ADGRV1: variants seen among roughly 807,000 people sequenced by gnomAD.
ADGRV1 encodes the protein adhesion G protein-coupled receptor V1.
ADGRV1 carries 359 observed loss-of-function variants against 596.2 expected under a neutral mutation model. The ratio of observed to expected loss-of-function variants is 0.60; its 90% CI spans 0.55 to 0.66. The LOEUF (loss-of-function observed/expected upper bound fraction) is 0.66. Among genes scored for constraint, ADGRV1 ranks in the 30% least tolerant of loss-of-function variants. The pLI is 0.00. For synonymous variants in ADGRV1, 2,681 were observed against 2,679.2 expected, an observed-to-expected ratio of 1.00 and a Z score of -0.02; for missense variants, 7,274 against 7,575.6, an observed-to-expected ratio of 0.96 and a Z score of 1.48.
At chr5:90,819,200 C>T (rs866105668) in intron 75 of ADGRV1, among the ~76,000 whole-genome samples, 176 of 152,204 alleles carry the variant, frequency 1.2e-3, no homozygotes, top group African/African-American at 3.9e-3. Context: ...AGTTTATTTG[C>T]GTAGAGGTGT....
intron 85 of ADGRV1, among the ~76,000 whole-genome samples, chr5:91,041,258 C>T (rs1785322783): frequency 6.6e-6 from 1 of 152,048 alleles, no homozygotes. Flanking sequence ...CAGTGATAGA[C>T]TGGATAAAGA....
At chr5:90,817,491 G>A (rs1245882274) in intron 75 of ADGRV1, among the ~76,000 whole-genome samples, 7 of 151,528 alleles carry the variant, frequency 4.6e-5, no homozygotes, top group Non-Finnish European at 1.0e-4. Context: ...CCTTGCCCAT[G>A]CCTGTGTCCT....
chr5:90,801,105 A>G (rs1761323896), intron 70 of ADGRV1, among the ~76,000 whole-genome samples: 1 of 152,176 alleles, frequency 6.6e-6, no homozygotes, highest in Non-Finnish European at 1.5e-5. Flanking sequence ...TAGGCAGTAT[A>G]GAAAATGGTA....
At position 90,959,878 on chromosome 5, in the gene ADGRV1, G is replaced by A. The variant is rs576237778; in HGVS notation, c.17857-5537G>A. ...TCAGTGTCTGGGCGCAGTGGCTCAC[G>A]CCTGTAATCCCAGCACTTTGGGAGG... On this transcript the variant is annotated intron_variant, in intron 83 of 89. Coordinates refer to ENST00000405460, the MANE Select transcript of ADGRV1 (RefSeq NM_032119.4). 2.0e-4 allele frequency among the ~76,000 whole-genome samples: 30 copies of A among 152,266 alleles called. 1 individual carries two copies. In the South Asian group the frequency reaches 4.8e-3, roughly 24 times the overall value.
chr5:90,939,708 A>G (rs1475976143), intron 83 of ADGRV1, among the ~76,000 whole-genome samples: 1 of 152,146 alleles, frequency 6.6e-6, no homozygotes, highest in Non-Finnish European at 1.5e-5. Context: ...AGGTGGCAGA[A>G]TTGCTTTTTT....
At chr5:90,901,874 G>T (rs1039083920) in intron 83 of ADGRV1, among the ~76,000 whole-genome samples, 5 of 152,160 alleles carry the variant, frequency 3.3e-5, no homozygotes, top group African/African-American at 1.2e-4. Flanking sequence ...TGTTCTAAGT[G>T]TGATAGGTCA....
At chr5:90,773,371 A>G (rs1416551589) in intron 59 of ADGRV1, among the ~76,000 whole-genome samples, 2 of 152,168 alleles carry the variant, frequency 1.3e-5, no homozygotes, top group East Asian at 1.9e-4. Context: ...GTTGTCCAGT[A>G]GAAACAATGC....
intron 87 of ADGRV1, among the ~76,000 whole-genome samples, chr5:91,138,012 C>A (rs1000617687): frequency 6.6e-6 from 1 of 152,118 alleles, no homozygotes; most frequent in Non-Finnish European, 1.5e-5. Context: ...TACTAGTTTG[C>A]CATATAATTC....
rs78267418 is a variant in ADGRV1, at chr5:90,722,344, G to A, written c.9748+1285G>A. ...GAATAGATGTATTTTAGTAAGGGGA[G>A]TAAAATAAATGTGGTTTAACACATT... On this transcript the variant is annotated intron_variant, in intron 45 of 89. Transcript: ENST00000405460. Among the ~76,000 whole-genome samples, 68 of 152,064 alleles carry A rather than the reference G, an allele frequency of 4.5e-4. 1 individual carries two copies. The East Asian group carries it at 0.012, about 26-fold the overall frequency.
At chr5:90,607,791 A>G (rs1378341271) in intron 1 of ADGRV1, among the ~76,000 whole-genome samples, 1 of 152,184 alleles carries the variant, frequency 6.6e-6, no homozygotes, top group Non-Finnish European at 1.5e-5. Flanking sequence ...TCATATGAAG[A>G]TATGAAGATC....
At chr5:90,896,668 G>A (rs567700508) in intron 83 of ADGRV1, among the ~76,000 whole-genome samples, 2 of 152,260 alleles carry the variant, frequency 1.3e-5, no homozygotes, top group African/African-American at 4.8e-5. Context: ...CAGGCAAGTT[G>A]ACACCCATTC....
chr5:90,980,985 C>A (rs1162044881), intron 84 of ADGRV1, among the ~76,000 whole-genome samples: 1 of 151,998 alleles, frequency 6.6e-6, no homozygotes, highest in Non-Finnish European at 1.5e-5. Flanking sequence ...GAGATGTGAA[C>A]CCTGAAAATT....
At chr5:91,160,509 T>C (rs1796854499) in intron 89 of ADGRV1, among the ~76,000 whole-genome samples, 1 of 152,220 alleles carries the variant, frequency 6.6e-6, no homozygotes, top group African/African-American at 2.4e-5. Context: ...AACCAAAGTA[T>C]ATTAAAATGT....
Position 90,692,637 on chromosome 5 carries a change from T to C in ADGRV1, c.6984T>C (p.Gly2328=). ...AAGTGCAACTAACTGATGCCTCTGGTGGAGGTACTATTGGGTTAGATCGAA... is the reference window on the plus strand; with the variant it reads ...AAGTGCAACTAACTGATGCCTCTGGCGGAGGTACTATTGGGTTAGATCGAA... The part of the protein sequence containing the change: ...VIQVQLTDAS[G]GGTIGLDRIA... The change falls in exon 32 of 90, where the codon GGT becomes GGC. Residue 2328 remains glycine (G), a synonymous_variant. Transcript: ENST00000405460. 6.2e-7 allele frequency: 1 copy of C among 1,611,012 alleles called. No individual in the cohort carries two copies. The highest frequency in any genetic ancestry group is 8.5e-7 in the Non-Finnish European group (1 of 1,178,662).
rs892001641 is a variant in ADGRV1 at position 90,790,906 on chromosome 5, A to C, written c.14077A>C (p.Thr4693Pro). 6.2e-7 allele frequency: 1 copy of C among 1,611,458 alleles called. No homozygotes were observed. Among genetic ancestry groups the C allele is most frequent in the African/African-American group, 1.3e-5 (1 of 74,852 alleles). The change falls in exon 70 of 90, where the codon ACT (threonine) becomes CCT (proline). Residue 4693 changes from threonine (T) to proline (P), a missense_variant. By Grantham distance (38) the Thr-to-Pro change is conservative. This residue lies in a region of ADGRV1 where 1,874 missense variants were observed against 1,970.2 expected (regional missense o/e 0.95). Transcript: ENST00000405460. Reference sequence around the variant, plus strand: ...GGAATTAAGTAGTGAGTTTGACATTACTGAAGACTTTCTTTCCACCAGTGG... The same window carrying C: ...GGAATTAAGTAGTGAGTTTGACATTCCTGAAGACTTTCTTTCCACCAGTGG... ...YWELSSEFDI[T>P]EDFLSTSGFF...
intron 85 of ADGRV1, among the ~76,000 whole-genome samples, chr5:91,010,207 G>C (rs1477504268): frequency 6.6e-6 from 1 of 152,078 alleles, no homozygotes; most frequent in Non-Finnish European, 1.5e-5. Context: ...TGACACACAG[G>C]CTTCCTTAGA....
At chr5:90,976,101 A>G (rs1392384559) in intron 84 of ADGRV1, among the ~76,000 whole-genome samples, 2 of 151,416 alleles carry the variant, frequency 1.3e-5, no homozygotes, top group East Asian at 1.9e-4. Flanking sequence ...CTCAATGCCA[A>G]TTCCTGAAAG....
In ADGRV1 at chr5:90,669,077, A is replaced by G. The variant is rs111496624; in HGVS notation, c.4753-3469A>G. Among the ~76,000 whole-genome samples the G allele has an allele frequency of 5.3e-5, 8 of 152,366 alleles. 1 individual carries two copies. The highest frequency in any genetic ancestry group is 1.9e-4 in the African/African-American group (8 of 41,596). ...GATTAATGGTTTATTAATTTAACTC[A>G]TGAGATGTTACGATCCCCATTTTCA... is the stretch of plus-strand genomic sequence containing the variant. On this transcript the variant is annotated intron_variant, in intron 21 of 89. Coordinates refer to ENST00000405460, the MANE Select transcript of ADGRV1 (RefSeq NM_032119.4).
intron 83 of ADGRV1, among the ~76,000 whole-genome samples, chr5:90,884,852 C>A (rs1254217568): frequency 6.6e-6 from 1 of 152,146 alleles, no homozygotes; most frequent in Non-Finnish European, 1.5e-5. Flanking sequence ...CAGTCCCAAG[C>A]AATCCAGGAC....
Sources: gnomAD v4.1 joint callset for allele counts (sites outside exome capture counted in the v4.1 genomes callset) on GRCh38, gnomAD v4.1.1 for gene constraint, gnomAD v4.1.1 regional missense constraint, MANE v1.5 for transcripts, NCBI Gene and HGNC (gene_info 2026-07-23, HGNC 2026-07-21) for gene names.